The following DNAH12 variants were observed in gnomAD, a reference collection of about 807,000 sequenced individuals.
DNAH12 encodes dynein axonemal heavy chain 12.
DNAH12 carries 285 observed loss-of-function variants against 371.5 expected under a neutral mutation model. The observed-to-expected ratio is 0.77, with a 90% CI of 0.70 to 0.85. The LOEUF is 0.85. Ranked by LOEUF, DNAH12 falls within the 40% of genes least tolerant of loss-of-function variation. The pLI is 0.00. For missense variants in DNAH12, 3,611 were observed against 3,689.4 expected (o/e 0.98, Z 0.55); for synonymous variants, 1,200 against 1,213.0 (o/e 0.99, Z 0.22).
upstream of DNAH12, among the ~76,000 whole-genome samples, chr3:57,547,021 G>A (rs1366238394): frequency 1.3e-5 from 2 of 151,898 alleles, no homozygotes; most frequent in East Asian, 1.9e-4. Flanking sequence ...ATAAAGAGAT[G>A]GGCATGCCCT....
At position 57,293,934 on chromosome 3, in the gene DNAH12, G is replaced by C. The variant is rs1579446178; in HGVS notation, c.11730C>G (p.Val3910=). ...KSRIIKSDAY[V]CPLYKTSERK... Reference sequence around the variant, plus strand: ...GTTCACTTGTCTTGTAGAGGGGACAGACATAGGCATCCGACTTTATAATCC... The same window carrying C: ...GTTCACTTGTCTTGTAGAGGGGACACACATAGGCATCCGACTTTATAATCC... The change falls in exon 74 of 74, where the codon GTC becomes GTG. Residue 3910 remains valine (V), a synonymous_variant. Transcript: ENST00000495027. The C allele has an allele frequency of 6.8e-7, 1 of 1,460,684 alleles. No homozygotes were observed. Among genetic ancestry groups the C allele is most frequent in the Non-Finnish European group, 9.1e-7 (1 of 1,101,086 alleles). 90.5% of individuals were successfully genotyped at this position (1,460,684 alleles called of 1,614,324 possible). A position where few individuals can be genotyped will look rare whatever the true frequency, so the allele number is the denominator to read the frequency against.
intron 60 of DNAH12, among the ~76,000 whole-genome samples, chr3:57,348,266 T>C (rs1249960111): frequency 6.6e-6 from 1 of 152,098 alleles, no homozygotes; most frequent in Non-Finnish European, 1.5e-5. Flanking sequence ...AAGGCATACA[T>C]AGCGCATAAT....
chr3:57,329,157 A>G (rs1289977231), intron 62 of DNAH12, among the ~76,000 whole-genome samples: 1 of 145,166 alleles, frequency 6.9e-6, no homozygotes, highest in African/African-American at 2.8e-5. Context: ...TATAGATTCA[A>G]TGCCATCCCC....
At chr3:57,544,880 G>A (rs2069450340), upstream of DNAH12, among the ~76,000 whole-genome samples, 1 of 152,064 alleles carries the variant, frequency 6.6e-6, no homozygotes, top group South Asian at 2.1e-4. Context: ...AATAGCCTAC[G>A]AGAATACTAT....
At chr3:57,390,424 A>AAAATATATATAT in intron 45 of DNAH12, among the ~76,000 whole-genome samples, 1 of 33,422 alleles carries the variant, frequency 3.0e-5, no homozygotes, top group African/African-American at 6.3e-5. Flanking sequence ...AAAAAAAAAA[A>AAAATATATATAT]ATATATATAT....
At chr3:57,486,940 G>A (rs2066939571) in intron 12 of DNAH12, among the ~76,000 whole-genome samples, 1 of 152,048 alleles carries the variant, frequency 6.6e-6, no homozygotes, top group South Asian at 2.1e-4. Flanking sequence ...TTCTAGGGAG[G>A]TAATATTCAA....
rs571153603 is a variant in DNAH12, at chr3:57,451,704, G to A, written c.3786+1139C>T. 3.9e-5 allele frequency among the ~76,000 whole-genome samples: 6 copies of A among 152,200 alleles called. No individual in the cohort carries two copies. In the South Asian group the frequency reaches 1.0e-3, roughly 26 times the overall value. On this transcript the variant is annotated intron_variant, in intron 25 of 73. Coordinates refer to ENST00000495027, the MANE Select transcript of DNAH12 (RefSeq NM_001366028.2). ...TAGCTAGTCAGGTATGAGCAGAGCC[G>A]GAGAGCGCGCCTCACCCCACACACA...
intron 2 of DNAH12, among the ~76,000 whole-genome samples, chr3:57,527,082 C>T (rs917992461): frequency 3.9e-5 from 6 of 152,266 alleles, no homozygotes; most frequent in Non-Finnish European, 8.8e-5. Context: ...TGATCTGCCC[C>T]TGTTTGCTAT....
rs1553681984 is a variant in DNAH12, at chr3:57,408,459, C to T, written c.6097G>A (p.Gly2033Arg). ...LIAAMGPPGG[G>R]RNPVTPRCIR... is the part of the protein sequence containing the mutation. ...CAACGGGGAGTAACTGGATTTCTTC[C>T]ACCACCTGGAGGGCCCATTGCAGCA... Residue 2033 changes from glycine to arginine, a missense_variant, in exon 40 of 74, where the codon GGA becomes AGA. Transcript: ENST00000495027. The T allele has an allele frequency of 1.3e-6, 2 of 1,551,486 alleles. No homozygotes were observed. Among genetic ancestry groups the T allele is most frequent in the Non-Finnish European group, 1.7e-6 (2 of 1,146,888 alleles).
At chr3:57,503,932 A>G (rs552810582) in intron 9 of DNAH12, 84 bp downstream of exon 9, 44 of 1,052,884 alleles carry the variant, frequency 4.2e-5, no homozygotes, top group Non-Finnish European at 5.2e-5. Flanking sequence ...AGAAAGAGTC[A>G]TAACATTGTA....
chr3:57,388,572 A>G (rs1043002974), intron 45 of DNAH12, among the ~76,000 whole-genome samples: 3 of 151,428 alleles, frequency 2.0e-5, no homozygotes, highest in African/African-American at 7.3e-5. Context: ...TCTAAAAAAG[A>G]GACTTCTAAA....
intron 43 of DNAH12, among the ~76,000 whole-genome samples, chr3:57,394,592 T>C (rs1008332490): frequency 1.3e-5 from 2 of 152,162 alleles, no homozygotes; most frequent in Non-Finnish European, 2.9e-5. Flanking sequence ...GGCCCAATCA[T>C]AGTCTTACTT....
intron 69 of DNAH12, among the ~76,000 whole-genome samples, chr3:57,303,673 G>A (rs2061410459): frequency 6.6e-6 from 1 of 152,054 alleles, no homozygotes; most frequent in Non-Finnish European, 1.5e-5. Flanking sequence ...TAAAGTGTTG[G>A]GGTTATAGTA....
chr3:57,543,317 T>TTTG (rs2069379510), intron 1 of DNAH12, among the ~76,000 whole-genome samples: 1 of 46,434 alleles, frequency 2.2e-5, no homozygotes, highest in South Asian at 1.2e-3. Context: ...CATTAATGGT[T>TTTG]TTTTTTTTTT....
chr3:57,374,425 T>G (rs2063239250), intron 55 of DNAH12, among the ~76,000 whole-genome samples: 1 of 152,148 alleles, frequency 6.6e-6, no homozygotes, highest in Non-Finnish European at 1.5e-5. Flanking sequence ...AGAAAACTAT[T>G]TCTCAAAGGA....
At chr3:57,406,148 C>T (rs1431578748) in intron 40 of DNAH12, among the ~76,000 whole-genome samples, 196 bp from the exon 41 acceptor site, 2 of 151,870 alleles carry the variant, frequency 1.3e-5, no homozygotes, top group African/African-American at 4.8e-5. Context: ...GTCAGGAGTT[C>T]GAGACAAGCC....
chr3:57,413,293 G>A (rs918544959), intron 39 of DNAH12, among the ~76,000 whole-genome samples: 3 of 152,172 alleles, frequency 2.0e-5, no homozygotes, highest in African/African-American at 7.2e-5. Context: ...CTGAAGTTGG[G>A]GGAGGAATGA....
chr3:57,412,926 G>C (rs559803443), intron 39 of DNAH12, among the ~76,000 whole-genome samples: 2 of 152,166 alleles, frequency 1.3e-5, no homozygotes, highest in Non-Finnish European at 2.9e-5. Context: ...TTCAGCAATT[G>C]TGTTCCTTGG....
intron 69 of DNAH12, 129 bp downstream of exon 69, chr3:57,309,022 A>T: frequency 1.7e-6 from 1 of 598,664 alleles, no homozygotes; most frequent in East Asian, 3.1e-5. Flanking sequence ...GCCCTGAGAA[A>T]CATCGCCCAT....
Sources: allele counts gnomAD v4.1 joint callset (sites outside exome capture counted in the v4.1 genomes callset), GRCh38; gene constraint gnomAD v4.1.1; transcripts MANE v1.5; gene names NCBI Gene and HGNC (gene_info 2026-07-23, HGNC 2026-07-21).